Variants in MTRF1 observed in about 807,000 individuals in gnomAD.
MTRF1 encodes the protein mitochondrial translation release factor 1.
A neutral mutation model predicts 62.9 loss-of-function variants in MTRF1; 51 were observed. The observed-to-expected ratio is 0.81, with a 90% CI of 0.65 to 1.02. The LOEUF is 1.02. MTRF1 is among the 50% of genes least tolerant of loss of function. The probability of loss-of-function intolerance (pLI) is 0.00; values close to 1 mark genes in which losing one functional copy is unlikely to be tolerated. For synonymous variants in MTRF1, 158 were observed against 181.9 expected, an observed-to-expected ratio of 0.87 and a Z score of 1.06; for missense variants, 446 against 530.0, an observed-to-expected ratio of 0.84 and a Z score of 1.56.
intron 5 of MTRF1, among the ~76,000 whole-genome samples, chr13:41,249,619 CTTTTTTTTTTTTTTT>C (rs1166204914): frequency 2.0e-4 from 12 of 61,532 alleles, no homozygotes; most frequent in Admixed American, 8.5e-4. Flanking sequence ...ATTTTTTTTT[CTTTTTTTTTTTTTTT>C]TTTTTTTTTT....
intron 7 of MTRF1, among the ~76,000 whole-genome samples, chr13:41,228,497 C>A (rs748882648): frequency 8.6e-5 from 13 of 152,032 alleles, no homozygotes; most frequent in Non-Finnish European, 1.5e-4. Context: ...GCCAAGAGTT[C>A]GAGGTTACAG....
chr13:41,284,121 CT>C, the MTRF1 span, among the ~76,000 whole-genome samples: 1 of 147,536 alleles, frequency 6.8e-6, no homozygotes, highest in Non-Finnish European at 1.5e-5. Context: ...TCCATTAGAA[CT>C]TTACAGCCCA....
the MTRF1 span, chr13:41,288,139 T>C: frequency 2.0e-6 from 1 of 508,994 alleles, no homozygotes; most frequent in Non-Finnish European, 4.0e-6. Context: ...AATCTTCTTG[T>C]CCAGATGTAT....
chr13:41,266,121 A>G (rs748841115), upstream of MTRF1, among the ~76,000 whole-genome samples: 1 of 151,988 alleles, frequency 6.6e-6, no homozygotes, highest in Non-Finnish European at 1.5e-5. Flanking sequence ...TCCTGGGATT[A>G]CAGGCATGAG....
the MTRF1 span, among the ~76,000 whole-genome samples, chr13:41,292,559 C>T: frequency 2.1e-4 from 26 of 122,292 alleles, no homozygotes; most frequent in East Asian, 5.6e-3. Context: ...CCAGCCTGGG[C>T]GACAGAGGGA....
chr13:41,241,946 G>A (rs1337167693), intron 5 of MTRF1, among the ~76,000 whole-genome samples: 2 of 152,072 alleles, frequency 1.3e-5, no homozygotes, highest in African/African-American at 4.8e-5. Flanking sequence ...TGCATCACTG[G>A]GGTTACAAAA....
chr13:41,311,379 G>T, the MTRF1 span: 2 of 692,168 alleles, frequency 2.9e-6, no homozygotes, highest in African/African-American at 1.8e-5. Context: ...GAACAGCCAG[G>T]CTGCCCAATT....
At chr13:41,292,135 G>A in the MTRF1 span, among the ~76,000 whole-genome samples, 7 of 152,088 alleles carry the variant, frequency 4.6e-5, no homozygotes, top group South Asian at 2.1e-4. Flanking sequence ...GAGAGAGAGC[G>A]AGAGAGAAAC....
At chr13:41,271,562 G>C in the MTRF1 span, among the ~76,000 whole-genome samples, 1 of 152,212 alleles carries the variant, frequency 6.6e-6, no homozygotes. Flanking sequence ...TCATGTTTTA[G>C]TTTCTCTCTC....
At chr13:41,261,870 G>A (rs2040486833) in intron 1 of MTRF1, 8 of 770,362 alleles carry the variant, frequency 1.0e-5, no homozygotes, top group Non-Finnish European at 1.3e-5. Flanking sequence ...AGAAAGTAGG[G>A]CTGGTGAAAA....
At chr13:41,258,160 C>T (rs543188355) in intron 2 of MTRF1, among the ~76,000 whole-genome samples, 2 of 152,250 alleles carry the variant, frequency 1.3e-5, no homozygotes, top group East Asian at 1.9e-4. Flanking sequence ...CTCCATTAAA[C>T]GTACGTAAGA....
the MTRF1 span, among the ~76,000 whole-genome samples, chr13:41,285,643 A>G: frequency 2.0e-5 from 3 of 152,188 alleles, no homozygotes; most frequent in Non-Finnish European, 4.4e-5. Context: ...AGTTACTGCT[A>G]TGAGTTCAAG....
chr13:41,304,436 G>A, the MTRF1 span, among the ~76,000 whole-genome samples: 23 of 152,258 alleles, frequency 1.5e-4, no homozygotes, highest in East Asian at 5.8e-4. Flanking sequence ...CTGGGCTTCC[G>A]CTGAGAGCAG....
At chr13:41,281,998 C>A in the MTRF1 span, among the ~76,000 whole-genome samples, 1 of 151,926 alleles carries the variant, frequency 6.6e-6, no homozygotes. Flanking sequence ...ATTAGCCAGG[C>A]GTGGTGGCGG....
chr13:41,274,860 C>G, the MTRF1 span, among the ~76,000 whole-genome samples: 8 of 151,832 alleles, frequency 5.3e-5, no homozygotes, highest in South Asian at 2.1e-4. Context: ...TGATTCACCC[C>G]CCTTGGCCTC....
rs758234281 is a variant in MTRF1, at chr13:41,234,014, C to G, written c.871-7G>C. 1.9e-6 allele frequency: 3 copies of G among 1,591,786 alleles called. No homozygotes were observed. Among genetic ancestry groups the G allele is most frequent in the African/African-American group, 2.7e-5 (2 of 74,380 alleles). On this transcript the variant is annotated splice_region_variant and splice_polypyrimidine_tract_variant and intron_variant, in intron 6 of 9. Coordinates refer to ENST00000379480, the MANE Select transcript of MTRF1 (RefSeq NM_004294.4). Reference sequence around the variant, plus strand: ...GGTCCAATTTCACATCCACCTAGAACAGAAGGCATGGCATAATTCTACACT... The same window carrying G: ...GGTCCAATTTCACATCCACCTAGAAGAGAAGGCATGGCATAATTCTACACT...
chr13:41,279,475 T>C, the MTRF1 span, among the ~76,000 whole-genome samples: 1 of 152,304 alleles, frequency 6.6e-6, no homozygotes, highest in Non-Finnish European at 1.5e-5. Flanking sequence ...CAGAAAATAT[T>C]TGAATCTGCC....
At chr13:41,274,551 A>G in the MTRF1 span, among the ~76,000 whole-genome samples, 1 of 152,086 alleles carries the variant, frequency 6.6e-6, no homozygotes, top group Admixed American at 6.6e-5. Context: ...ATGCTGAAAC[A>G]AATTTGTTGA....
rs2040354817 is a variant in MTRF1 at position 41,260,778 on chromosome 13, G to T, written c.130C>A (p.Gln44Lys). 1 of 1,614,124 alleles carries T rather than the reference G, an allele frequency of 6.2e-7. No individual in the cohort carries two copies. The highest frequency in any genetic ancestry group is 1.3e-5 in the African/African-American group (1 of 75,036). The change falls in exon 2 of 10, where the codon CAA becomes AAA. Residue 44 changes from glutamine to lysine, a missense_variant. Coordinates refer to ENST00000379480, the MANE Select transcript of MTRF1 (RefSeq NM_004294.4). Reference sequence around the variant, plus strand: ...AGATGAAGAATGCAATTCCTGTTTTGTCTAAAAACTTGCAGCCTTGTATCA... The same window carrying T: ...AGATGAAGAATGCAATTCCTGTTTTTTCTAAAAACTTGCAGCCTTGTATCA... ...HLDTRLQVFR[Q>K]NRNCILHLLS...
Sources: allele counts gnomAD v4.1 joint callset (sites outside exome capture counted in the v4.1 genomes callset), GRCh38; gene constraint gnomAD v4.1.1; transcripts MANE v1.5; gene names NCBI Gene and HGNC (gene_info 2026-07-23, HGNC 2026-07-21).